The following PCP4L1 variants were observed in gnomAD, a reference collection of about 807,000 sequenced individuals.
PCP4L1 encodes Purkinje cell protein 4 like 1.
PCP4L1 carries 9 observed loss-of-function variants against 9.6 expected under a neutral mutation model. The ratio of observed to expected loss-of-function variants is 0.94; its 90% CI spans 0.57 to 1.64. The LOEUF (loss-of-function observed/expected upper bound fraction) is 1.64. PCP4L1 is among the 40% of genes most tolerant of loss of function. The pLI is 0.00. For missense variants in PCP4L1, 81 were observed against 80.8 expected, an observed-to-expected ratio of 1.00 and a Z score of -0.01; for synonymous variants, 31 against 28.2, an observed-to-expected ratio of 1.10 and a Z score of -0.31.
intron 1 of PCP4L1, among the ~76,000 whole-genome samples, chr1:161,281,843 C>T (rs1261556778): frequency 1.6e-5 from 2 of 129,010 alleles, no homozygotes; most frequent in Admixed American, 7.8e-5. Flanking sequence ...GGGGCAGAGG[C>T]GCTCCCCACA....
chr1:161,265,608 T>A (rs1669516475), intron 1 of PCP4L1, among the ~76,000 whole-genome samples: 1 of 152,116 alleles, frequency 6.6e-6, no homozygotes, highest in Non-Finnish European at 1.5e-5. Flanking sequence ...CTTACTGGGA[T>A]TCAAGCATCC....
intron 1 of PCP4L1, among the ~76,000 whole-genome samples, chr1:161,273,704 A>G (rs1310097203): frequency 6.6e-6 from 1 of 152,190 alleles, no homozygotes; most frequent in Non-Finnish European, 1.5e-5. Context: ...AAACATTAAG[A>G]TGAAAACCAG....
intron 1 of PCP4L1, among the ~76,000 whole-genome samples, chr1:161,270,822 C>A (rs1292509092): frequency 5.3e-5 from 8 of 149,618 alleles, no homozygotes; most frequent in African/African-American, 2.0e-4. Flanking sequence ...TCGCAGTGAG[C>A]TGAAATCGTG....
chr1:161,274,693 C>T (rs570703340), intron 1 of PCP4L1, among the ~76,000 whole-genome samples: 18 of 152,192 alleles, frequency 1.2e-4, no homozygotes, highest in Admixed American at 2.6e-4. Flanking sequence ...AAGGACTGAG[C>T]ACCACATAGA....
At chr1:161,267,100 G>A (rs1029358529) in intron 1 of PCP4L1, among the ~76,000 whole-genome samples, 2 of 152,136 alleles carry the variant, frequency 1.3e-5, no homozygotes, top group Non-Finnish European at 2.9e-5. Context: ...AGCTTAGGAA[G>A]CCTAGGATTT....
intron 1 of PCP4L1, among the ~76,000 whole-genome samples, chr1:161,273,080 G>T (rs1485983512): frequency 6.6e-6 from 1 of 152,292 alleles, no homozygotes; most frequent in South Asian, 2.1e-4. Context: ...CATGGGAAGG[G>T]AGAATCTGCA....
intron 1 of PCP4L1, among the ~76,000 whole-genome samples, chr1:161,262,249 A>G (rs1010415567): frequency 5.3e-5 from 8 of 152,014 alleles, no homozygotes; most frequent in Non-Finnish European, 1.0e-4. Flanking sequence ...CCTGGCTAAC[A>G]TGGTGAAACC....
At chr1:161,263,683 G>C (rs73023877) in intron 1 of PCP4L1, among the ~76,000 whole-genome samples, 6,516 of 150,850 alleles carry the variant, frequency 0.043, 464 homozygotes, top group African/African-American at 0.15. Context: ...CTGGACTTAA[G>C]CAATCTTCCC....
At chr1:161,262,605 T>C (rs1202666072) in intron 1 of PCP4L1, among the ~76,000 whole-genome samples, 1 of 152,208 alleles carries the variant, frequency 6.6e-6, no homozygotes, top group Non-Finnish European at 1.5e-5. Context: ...TTTGTCATCC[T>C]GTGACCTGGA....
chr1:161,259,691 G>C (rs531242953), intron 1 of PCP4L1, among the ~76,000 whole-genome samples: 1 of 152,148 alleles, frequency 6.6e-6, no homozygotes, highest in Non-Finnish European at 1.5e-5. Context: ...GGGAGTGGGG[G>C]GTCAAAGCAG....
At chr1:161,259,094 C>A in intron 1 of PCP4L1, 111 bp downstream of exon 1, 1 of 1,440,204 alleles carries the variant, frequency 6.9e-7, no homozygotes, top group Non-Finnish European at 9.2e-7. Context: ...CCGCGAAGAA[C>A]CCTCCAGGGG....
intron 1 of PCP4L1, among the ~76,000 whole-genome samples, chr1:161,269,522 T>G (rs991757270): frequency 2.0e-5 from 3 of 152,092 alleles, no homozygotes; most frequent in African/African-American, 7.2e-5. Flanking sequence ...ATTTAAAAAA[T>G]TATTAGTGTA....
At chr1:161,260,298 G>C (rs1301131354) in intron 1 of PCP4L1, among the ~76,000 whole-genome samples, 1 of 152,322 alleles carries the variant, frequency 6.6e-6, no homozygotes, top group Admixed American at 6.5e-5. Context: ...AATTCGGCTA[G>C]TCTGGGGGCT....
intron 1 of PCP4L1, among the ~76,000 whole-genome samples, chr1:161,272,058 G>A (rs1669632286): frequency 6.6e-6 from 1 of 151,374 alleles, no homozygotes. Context: ...TGCCTGCCTT[G>A]GCTTCCCAAA....
Position 161,284,582 on chromosome 1 carries a change from G to A in PCP4L1, c.*101G>A. 1 of 1,480,678 alleles carries A rather than the reference G, an allele frequency of 6.8e-7. No homozygotes were observed. The highest frequency in any genetic ancestry group is 9.1e-7 in the Non-Finnish European group (1 of 1,101,946). The allele number at this position is 1,480,678 out of a possible 1,614,324, so 91.7% of individuals were successfully genotyped here. A position where few individuals can be genotyped will look rare whatever the true frequency, so the allele number is the denominator to read the frequency against. On this transcript the variant is annotated 3_prime_UTR_variant, in exon 3 of 3. Transcript: ENST00000504449. The stretch of plus-strand genomic sequence containing the variant: ...TCCCTTGTCCCTCTAGCCTTTCCTT[G>A]AGGCAAGTTCAACCTTTATATACTC...
intron 1 of PCP4L1, among the ~76,000 whole-genome samples, chr1:161,273,898 A>G (rs538160173): frequency 2.0e-4 from 31 of 152,228 alleles, no homozygotes; most frequent in Non-Finnish European, 2.5e-4. Flanking sequence ...ACATACTCAT[A>G]CATCCCCATA....
At chr1:161,282,644 T>C (rs1221611068) in intron 1 of PCP4L1, among the ~76,000 whole-genome samples, 1 of 152,178 alleles carries the variant, frequency 6.6e-6, no homozygotes, top group East Asian at 1.9e-4. Context: ...GCATCTTCTC[T>C]TGGATAATTA....
At chr1:161,261,092 C>A (rs974442458) in intron 1 of PCP4L1, among the ~76,000 whole-genome samples, 3 of 152,160 alleles carry the variant, frequency 2.0e-5, no homozygotes, top group African/African-American at 2.4e-5. Context: ...TCTCTCAGGC[C>A]AGCCCCATGG....
rs11265580 is a variant in PCP4L1, at chr1:161,267,011, C to T, written c.9+8028C>T. ...CAGGGTGGAGTGGGAGGGTGCAAAG[C>T]CTCTTTGTCGCCACTTGGAAGCAGA... On this transcript the variant is annotated intron_variant, in intron 1 of 2. Coordinates refer to ENST00000504449, the MANE Select transcript of PCP4L1 (RefSeq NM_001102566.2). Among the ~76,000 whole-genome samples, 609 of 152,180 alleles carry T rather than the reference C, an allele frequency of 4.0e-3. 4 individuals are homozygous for T. Among genetic ancestry groups the T allele is most frequent in the African/African-American group, 0.014 (587 of 41,518 alleles).
Sources: allele counts gnomAD v4.1 joint callset (sites outside exome capture counted in the v4.1 genomes callset), GRCh38; gene constraint gnomAD v4.1.1; transcripts MANE v1.5; gene names NCBI Gene and HGNC (gene_info 2026-07-23, HGNC 2026-07-21).